PTPRG: variants seen among roughly 807,000 people sequenced by gnomAD.
PTPRG encodes the protein receptor-type tyrosine-protein phosphatase gamma.
PTPRG carries 102 observed loss-of-function variants against 165.3 expected under a neutral mutation model. The observed-to-expected ratio is 0.62, with a 90% CI of 0.53 to 0.73. The LOEUF (loss-of-function observed/expected upper bound fraction) is 0.73, where lower values mean the gene tolerates loss of function less well. PTPRG is among the 30% of genes least tolerant of loss of function. The pLI, the probability that PTPRG is intolerant of heterozygous loss-of-function variation, is 0.00. For missense variants in PTPRG, 1,866 were observed against 1,861.4 expected, an observed-to-expected ratio of 1.00 and a Z score of -0.05; for synonymous variants, 675 against 669.5, an observed-to-expected ratio of 1.01 and a Z score of -0.13.
Position 61,601,337 on chromosome 3 carries a change from C to G in PTPRG, c.85+38965C>G, listed in dbSNP as rs537934155. Among the ~76,000 whole-genome samples, 4 of 152,192 alleles carry G rather than the reference C, an allele frequency of 2.6e-5. No homozygotes were observed. In the East Asian group the frequency reaches 7.7e-4, roughly 29 times the overall value. On this transcript the variant is annotated intron_variant, in intron 1 of 29. Transcript: ENST00000474889. Reference sequence around the variant, plus strand: ...GCTTCTGTTCGATGCCTGCCTCCCACCTTTCTGAGTTGAGTTAACTCATCC... The same window carrying G: ...GCTTCTGTTCGATGCCTGCCTCCCAGCTTTCTGAGTTGAGTTAACTCATCC...
chr3:61,763,631 A>G (rs1445223866), intron 2 of PTPRG, among the ~76,000 whole-genome samples: 1 of 151,552 alleles, frequency 6.6e-6, no homozygotes, highest in Non-Finnish European at 1.5e-5. Flanking sequence ...TCAGCCTCCC[A>G]AAGTGTTGGG....
intron 1 of PTPRG, among the ~76,000 whole-genome samples, chr3:61,682,981 T>G (rs531024907): frequency 6.9e-4 from 105 of 152,320 alleles, no homozygotes; most frequent in African/African-American, 2.3e-3. Flanking sequence ...CTTTTCTTTC[T>G]CTCTTTCTTC....
chr3:62,011,927 A>C lies in PTPRG; in HGVS notation c.519+8430A>C, dbSNP rs965476020. On this transcript the variant is annotated intron_variant, in intron 4 of 29. Transcript: ENST00000474889. ...GATAGCTGTTTGAATCATACCAAAAACTACAGTAAAGAAGATGGCACACTC... is the reference window on the plus strand; with the variant it reads ...GATAGCTGTTTGAATCATACCAAAACCTACAGTAAAGAAGATGGCACACTC... Among the ~76,000 whole-genome samples the C allele has an allele frequency of 3.3e-4, 51 of 152,302 alleles. 1 individual carries two copies. The South Asian group carries it at 6.0e-3, about 18-fold the overall frequency.
intron 7 of PTPRG, among the ~76,000 whole-genome samples, chr3:62,162,619 A>G (rs552208882): frequency 8.5e-5 from 13 of 152,250 alleles, no homozygotes; most frequent in South Asian, 2.1e-4. Context: ...GGCAGTTTCT[A>G]TTCAGAGTGC....
At chr3:61,823,038 CTGGTT>C (rs1344695819) in intron 2 of PTPRG, among the ~76,000 whole-genome samples, 104 of 152,276 alleles carry the variant, frequency 6.8e-4, no homozygotes, top group African/African-American at 2.4e-3. Flanking sequence ...GCTGCCTTTC[CTGGTT>C]AGGAGTTCTT....
At chr3:61,630,915 G>A (rs1458947843) in intron 1 of PTPRG, among the ~76,000 whole-genome samples, 1 of 152,016 alleles carries the variant, frequency 6.6e-6, no homozygotes. Flanking sequence ...AATTAGCCAG[G>A]CGTTGTGGCA....
chr3:62,016,131 T>C (rs1302289492), intron 4 of PTPRG, among the ~76,000 whole-genome samples: 1 of 152,126 alleles, frequency 6.6e-6, no homozygotes, highest in Non-Finnish European at 1.5e-5. Flanking sequence ...CATAGAGTAC[T>C]TTGAGCAGGA....
At chr3:62,208,565 C>A (rs896325722) in intron 12 of PTPRG, among the ~76,000 whole-genome samples, 1 of 152,058 alleles carries the variant, frequency 6.6e-6, no homozygotes, top group Non-Finnish European at 1.5e-5. Flanking sequence ...CTTCAGGGGT[C>A]GGCATACCAC....
intron 2 of PTPRG, among the ~76,000 whole-genome samples, chr3:61,931,184 T>A (rs1178184823): frequency 1.3e-5 from 2 of 152,228 alleles, no homozygotes; most frequent in African/African-American, 4.8e-5. Context: ...CACTCACTGC[T>A]GGGCCACTTT....
chr3:61,760,670 G>A (rs1230650178), intron 2 of PTPRG, among the ~76,000 whole-genome samples: 1 of 152,126 alleles, frequency 6.6e-6, no homozygotes, highest in African/African-American at 2.4e-5. Flanking sequence ...AAGGGAAAGT[G>A]CGCCTGGTGA....
At chr3:61,848,013 A>G (rs886112989) in intron 2 of PTPRG, among the ~76,000 whole-genome samples, 1 of 152,224 alleles carries the variant, frequency 6.6e-6, no homozygotes, top group Non-Finnish European at 1.5e-5. Context: ...GTCCCCTGCC[A>G]TGAGCTGTAA....
chr3:62,203,750 C>G lies in PTPRG; in HGVS notation c.1955C>G (p.Pro652Arg). 1.9e-6 allele frequency: 3 copies of G among 1,606,348 alleles called. No individual in the cohort carries two copies. The highest frequency in any genetic ancestry group is 1.3e-5 in the African/African-American group (1 of 74,944). ...PGHEQDHTAV[P>R]TDQTGGRRDA... The stretch of plus-strand genomic sequence containing the variant: ...CATGAGCAGGATCACACTGCCGTCC[C>G]CACAGACCAGACGGGCGGAAGGAGG... Residue 652 changes from proline to arginine, a missense_variant, in exon 12 of 30, where the codon CCC becomes CGC. Pro to Arg is a moderately radical substitution (Grantham distance 103). Coordinates refer to ENST00000474889, the MANE Select transcript of PTPRG (RefSeq NM_002841.4). The surrounding 1 kb of genome is among the most constrained non-coding windows in gnomAD (Gnocchi z 6.4).
intron 5 of PTPRG, chr3:62,124,159 G>A (rs1467403282): frequency 1.5e-6 from 1 of 672,222 alleles, no homozygotes; most frequent in South Asian, 1.8e-5. Flanking sequence ...CTGTGAATTT[G>A]TTGTTGTCGT....
At chr3:61,674,486 C>CAAAAA (rs58334791) in intron 1 of PTPRG, among the ~76,000 whole-genome samples, 27 of 57,924 alleles carry the variant, frequency 4.7e-4, no homozygotes, top group Admixed American at 8.4e-4. Context: ...GACTCCATCT[C>CAAAAA]AAAAAAAAAA....
intron 5 of PTPRG, among the ~76,000 whole-genome samples, chr3:62,130,221 C>T (rs927770297): frequency 2.0e-4 from 30 of 152,138 alleles, no homozygotes; most frequent in African/African-American, 7.2e-4. Context: ...TCTAGAAGAA[C>T]GTTAGCTAGG....
intron 5 of PTPRG, among the ~76,000 whole-genome samples, chr3:62,113,213 G>A (rs1165509217): frequency 2.0e-5 from 3 of 152,116 alleles, no homozygotes; most frequent in Non-Finnish European, 2.9e-5. Context: ...GGGAGGAGAA[G>A]TAGATTAAAG....
intron 5 of PTPRG, among the ~76,000 whole-genome samples, chr3:62,092,063 G>GACACAC (rs58689072): frequency 1.7e-5 from 2 of 114,874 alleles, no homozygotes; most frequent in African/African-American, 6.9e-5. Flanking sequence ...CTTATACATG[G>GACACAC]ACACACACAC....
intron 20 of PTPRG, 103 bp downstream of exon 20, chr3:62,269,272 A>C (rs901094804): frequency 2.4e-6 from 3 of 1,246,072 alleles, no homozygotes; most frequent in East Asian, 4.9e-5. Context: ...TTGGTTTTTA[A>C]AAAGTATTTT....
At chr3:61,563,061 C>G (rs1699804913) in intron 1 of PTPRG, among the ~76,000 whole-genome samples, 2 of 151,864 alleles carry the variant, frequency 1.3e-5, no homozygotes, top group African/African-American at 4.8e-5. Flanking sequence ...CCGTGTCTCC[C>G]CTAGCCCCGG....
Sources: gnomAD v4.1 joint callset for allele counts (sites outside exome capture counted in the v4.1 genomes callset) on GRCh38, gnomAD v4.1.1 for gene constraint, Gnocchi (gnomAD v3.1) non-coding constraint, MANE v1.5 for transcripts, NCBI Gene and HGNC (gene_info 2026-07-23, HGNC 2026-07-21) for gene names.